Variants in ORC4 observed in about 807,000 individuals in gnomAD.
The protein encoded by ORC4 is origin recognition complex, subunit 4 homolog.
A neutral mutation model predicts 63.9 loss-of-function variants in ORC4; 55 were observed. That is an observed-to-expected ratio of 0.86 (90% CI 0.69 to 1.08). ORC4 has a LOEUF of 1.08. Among genes scored for constraint, ORC4 ranks in the 50% least tolerant of loss-of-function variants. The probability of loss-of-function intolerance (pLI) is 0.00; values close to 1 mark genes in which losing one functional copy is unlikely to be tolerated. For missense variants in ORC4, 511 were observed against 504.4 expected (o/e 1.01, Z -0.13); for synonymous variants, 150 against 168.5 (o/e 0.89, Z 0.85).
At chr2:147,956,825 A>G (rs549110179) in intron 6 of ORC4, among the ~76,000 whole-genome samples, 84 of 152,074 alleles carry the variant, frequency 5.5e-4, no homozygotes, top group African/African-American at 1.9e-3. Flanking sequence ...ATTATTTCAC[A>G]TAAAACCAAT....
chr2:147,988,435 C>CT (rs1691363766), intron 1 of ORC4, among the ~76,000 whole-genome samples: 1 of 151,652 alleles, frequency 6.6e-6, no homozygotes, highest in Non-Finnish European at 1.5e-5. Flanking sequence ...TCTTGGCTCA[C>CT]TGCAACCTCC....
chr2:147,971,311 T>C (rs1051623660), intron 4 of ORC4, among the ~76,000 whole-genome samples: 3 of 151,590 alleles, frequency 2.0e-5, no homozygotes, highest in Non-Finnish European at 4.4e-5. Flanking sequence ...AATATTCTTT[T>C]AATATTATGA....
intron 7 of ORC4, among the ~76,000 whole-genome samples, chr2:147,954,932 G>T (rs964431450): frequency 6.6e-6 from 1 of 151,784 alleles, no homozygotes; most frequent in Non-Finnish European, 1.5e-5. Context: ...GAAATATCTG[G>T]ATGATCATCA....
chr2:148,002,584 A>G (rs1022539366), intron 1 of ORC4, among the ~76,000 whole-genome samples: 6 of 152,234 alleles, frequency 3.9e-5, no homozygotes, highest in Non-Finnish European at 5.9e-5. Flanking sequence ...GACACAATGT[A>G]CCAGAATCTC....
upstream of ORC4, chr2:148,020,790 C>G (rs1693667587): frequency 6.6e-6 from 1 of 152,506 alleles, no homozygotes; most frequent in African/African-American, 2.4e-5. Context: ...CTCTCCCGCC[C>G]AAACACGTGA....
At chr2:147,954,962 TA>T (rs1344955465) in intron 7 of ORC4, among the ~76,000 whole-genome samples, 1 of 151,910 alleles carries the variant, frequency 6.6e-6, no homozygotes, top group Non-Finnish European at 1.5e-5. Context: ...TTCTTAATTA[TA>T]AAAAATTAGA....
rs578168862 is a variant in ORC4 at position 147,931,234 on chromosome 2, G to C, written c.*4276C>G. 6.6e-6 allele frequency: 1 copy of C among 150,606 alleles called. No individual in the cohort carries two copies. Among genetic ancestry groups the C allele is most frequent in the Non-Finnish European group, 1.5e-5 (1 of 67,658 alleles). 9.3% of individuals were successfully genotyped at this position (150,606 alleles called of 1,614,324 possible). ...GTATTCCATGGTGTATATGTGCCAC[G>C]TTTTCTTAATCCAGTCTATCATTGT... On this transcript the variant is annotated 3_prime_UTR_variant, in exon 14 of 14. Coordinates refer to ENST00000392857, the MANE Select transcript of ORC4 (RefSeq NM_181741.4).
chr2:148,002,761 C>G (rs1335458398), intron 1 of ORC4, among the ~76,000 whole-genome samples: 1 of 151,734 alleles, frequency 6.6e-6, no homozygotes, highest in Non-Finnish European at 1.5e-5. Context: ...ATAACTAAGA[C>G]CAGAGCAGAA....
intron 1 of ORC4, among the ~76,000 whole-genome samples, chr2:148,000,230 T>G (rs942820069): frequency 6.6e-6 from 1 of 152,034 alleles, no homozygotes; most frequent in Non-Finnish European, 1.5e-5. Flanking sequence ...ATAAAATGCA[T>G]GGCAAAATGA....
intron 2 of ORC4, among the ~76,000 whole-genome samples, chr2:147,975,277 A>G (rs553793673): frequency 2.6e-5 from 4 of 152,284 alleles, no homozygotes; most frequent in African/African-American, 9.6e-5. Flanking sequence ...TACACTTCTT[A>G]TAACATTCAT....
At chr2:147,944,150 T>C (rs997826618) in intron 9 of ORC4, among the ~76,000 whole-genome samples, 4 of 152,088 alleles carry the variant, frequency 2.6e-5, no homozygotes, top group African/African-American at 7.2e-5. Context: ...AAGACGTTTA[T>C]AGGAGTACAT....
At chr2:147,981,704 GA>G (rs1343975783) in intron 1 of ORC4, among the ~76,000 whole-genome samples, 3 of 148,696 alleles carry the variant, frequency 2.0e-5, no homozygotes, top group Admixed American at 6.8e-5. Flanking sequence ...TCATCAATTA[GA>G]AAAAAAACAT....
intron 1 of ORC4, among the ~76,000 whole-genome samples, chr2:148,011,865 G>C (rs1217258930): frequency 1.3e-5 from 2 of 152,036 alleles, no homozygotes; most frequent in Non-Finnish European, 2.9e-5. Flanking sequence ...ATTTACAATA[G>C]CTACAAATAA....
chr2:147,931,241 T>G lies in ORC4; in HGVS notation c.*4269A>C, dbSNP rs1254970281. The stretch of plus-strand genomic sequence containing the variant: ...ATGGTGTATATGTGCCACGTTTTCT[T>G]AATCCAGTCTATCATTGTTGGACAT... On this transcript the variant is annotated 3_prime_UTR_variant, in exon 14 of 14. Coordinates refer to ENST00000392857, the MANE Select transcript of ORC4 (RefSeq NM_181741.4). The G allele has an allele frequency of 6.6e-6, 1 of 151,758 alleles. No homozygotes were observed. The highest frequency in any genetic ancestry group is 1.5e-5 in the Non-Finnish European group (1 of 67,954). 9.4% of individuals were successfully genotyped at this position (151,758 alleles called of 1,614,324 possible).
Position 147,948,052 on chromosome 2 carries a change from T to C in ORC4, c.761A>G (p.Gln254Arg). 1.2e-6 allele frequency: 2 copies of C among 1,609,330 alleles called. No individual in the cohort carries two copies. The highest frequency in any genetic ancestry group is 1.7e-6 in the Non-Finnish European group (2 of 1,175,982). Residue 254 changes from glutamine (Q) to arginine (R), a missense_variant and splice_region_variant, in exon 9 of 14, where the codon CAG becomes CGG. By Grantham distance (43) the Gln-to-Arg change is conservative. Coordinates refer to ENST00000392857, the MANE Select transcript of ORC4 (RefSeq NM_181741.4). Reference protein sequence around the residue: ...VFAEKWNENVQYLSEDRSVQE... With the variant: ...VFAEKWNENVRYLSEDRSVQE... ...TAGCTTTATTGCCTTTTAAGATACC[T>C]GAACATTTTCATTCCACTTCTCAGC...
chr2:147,949,870 T>C (rs1031515812), intron 8 of ORC4, among the ~76,000 whole-genome samples: 3 of 152,146 alleles, frequency 2.0e-5, no homozygotes, highest in Admixed American at 2.0e-4. Context: ...TGAAATGTTA[T>C]AAAGATTTTT....
chr2:147,976,065 G>A, intron 1 of ORC4, 90 bp from the exon 2 acceptor site: 1 of 743,354 alleles, frequency 1.3e-6, no homozygotes, highest in South Asian at 1.5e-5. Flanking sequence ...ATAAATACAA[G>A]TTTTTAAAAG....
At chr2:147,979,289 CA>C (rs1411844245) in intron 1 of ORC4, among the ~76,000 whole-genome samples, 1 of 151,920 alleles carries the variant, frequency 6.6e-6, no homozygotes, top group Non-Finnish European at 1.5e-5. Context: ...ATAAAAAAAT[CA>C]ATAAGATTTC....
chr2:147,953,896 TACTC>T (rs1689107739), intron 7 of ORC4, among the ~76,000 whole-genome samples: 1 of 152,136 alleles, frequency 6.6e-6, no homozygotes, highest in Non-Finnish European at 1.5e-5. Context: ...CCAAAGGGAT[TACTC>T]AAAAGTCTAG....
Sources: gnomAD v4.1 joint callset for allele counts (sites outside exome capture counted in the v4.1 genomes callset) on GRCh38, gnomAD v4.1.1 for gene constraint, MANE v1.5 for transcripts, NCBI Gene and HGNC (gene_info 2026-07-23, HGNC 2026-07-21) for gene names.